The following HMCN1 variants were observed in gnomAD, a reference collection of about 807,000 sequenced individuals.
The protein encoded by HMCN1 is hemicentin 1.
A neutral mutation model predicts 625.9 loss-of-function variants in HMCN1; 321 were observed. The ratio of observed to expected loss-of-function variants is 0.51; its 90% CI spans 0.47 to 0.56. The LOEUF (loss-of-function observed/expected upper bound fraction) is 0.56, where lower values mean the gene tolerates loss of function less well. Ranked by LOEUF, HMCN1 falls within the 20% of genes least tolerant of loss-of-function variation. The probability of loss-of-function intolerance (pLI) is 0.00; values close to 1 mark genes in which losing one functional copy is unlikely to be tolerated. For synonymous variants in HMCN1, 2,425 were observed against 2,417.6 expected (o/e 1.00, Z -0.09); for missense variants, 6,588 against 6,887.3 (o/e 0.96, Z 1.54).
chr1:186,008,674 A>C (rs560224485), intron 30 of HMCN1, among the ~76,000 whole-genome samples: 2 of 152,128 alleles, frequency 1.3e-5, no homozygotes, highest in Admixed American at 1.3e-4. Context: ...CAGCCTTAAA[A>C]TGGGGATAAT....
At chr1:185,995,238 C>T in intron 24 of HMCN1, 151 bp downstream of exon 24, 1 of 726,652 alleles carries the variant, frequency 1.4e-6, no homozygotes, top group East Asian at 2.7e-5. Flanking sequence ...AGAACCATTC[C>T]CAAAAGAAAT....
Position 185,858,750 on chromosome 1 carries a change from C to T in HMCN1, c.340-5720C>T, listed in dbSNP as rs200059128. Among the ~76,000 whole-genome samples the T allele has an allele frequency of 3.0e-4, 45 of 150,480 alleles. No individual in the cohort carries two copies. In the East Asian group the frequency reaches 6.0e-3, roughly 20 times the overall value. ...ACAGATATGAGCCACCATGCCTGGC[C>T]AGCAGTAATTTTTTTTTCTTAAGTT... On this transcript the variant is annotated intron_variant, in intron 2 of 106. Coordinates refer to ENST00000271588, the MANE Select transcript of HMCN1 (RefSeq NM_031935.3).
Position 186,144,621 on chromosome 1 carries a change from C to T in HMCN1, c.14184C>T (p.Ser4728=), listed in dbSNP as rs373228905. 36 of 1,614,062 alleles carry T rather than the reference C, an allele frequency of 2.2e-5. No individual in the cohort carries two copies. In the Admixed American group the frequency reaches 3.0e-4, roughly 13 times the overall value. ...CCAGACAGAGAACAAGGGGCTGCTC[C>T]GACCCTGTGCCCCAGTATGGAGGAA... is the stretch of plus-strand genomic sequence containing the variant. ...GGARQRTRGC[S]DPVPQYGGRK... is the part of the protein sequence containing the mutation. Residue 4728 remains serine (S), a synonymous_variant, in exon 91 of 107, where the codon TCC becomes TCT. Coordinates refer to ENST00000271588, the MANE Select transcript of HMCN1 (RefSeq NM_031935.3).
At chr1:185,847,688 G>A (rs755686029) in intron 2 of HMCN1, among the ~76,000 whole-genome samples, 11 of 152,094 alleles carry the variant, frequency 7.2e-5, no homozygotes, top group East Asian at 1.9e-4. Flanking sequence ...AGTAGCTCAC[G>A]CCTGTAATCC....
intron 4 of HMCN1, among the ~76,000 whole-genome samples, chr1:185,879,460 C>G (rs1312298089): frequency 6.6e-6 from 1 of 152,134 alleles, no homozygotes. Flanking sequence ...GTGTGAATCA[C>G]CTTGCCTGAC....
chr1:186,047,424 G>A (rs1656650533), intron 41 of HMCN1, among the ~76,000 whole-genome samples: 1 of 152,126 alleles, frequency 6.6e-6, no homozygotes, highest in Non-Finnish European at 1.5e-5. Flanking sequence ...GTCACGTTGA[G>A]GGGTTTAGGG....
intron 81 of HMCN1, 74 bp downstream of exon 81, chr1:186,123,294 T>A (rs1455329427): frequency 6.5e-7 from 1 of 1,539,430 alleles, no homozygotes; most frequent in African/African-American, 1.4e-5. Flanking sequence ...CAAGAGCAAA[T>A]CTGATGGAAG....
chr1:185,785,618 G>A (rs2102186961), intron 1 of HMCN1, among the ~76,000 whole-genome samples: 1 of 152,238 alleles, frequency 6.6e-6, no homozygotes, highest in African/African-American at 2.4e-5. Flanking sequence ...ATTTCTCAAA[G>A]CAGACATATG....
At chr1:185,808,564 TG>T (rs1208600933) in intron 1 of HMCN1, among the ~76,000 whole-genome samples, 1 of 152,152 alleles carries the variant, frequency 6.6e-6, no homozygotes, top group Non-Finnish European at 1.5e-5. Flanking sequence ...ATTTGTTTTT[TG>T]TTATTGTTTT....
At chr1:185,824,672 T>C (rs1415949971) in intron 1 of HMCN1, among the ~76,000 whole-genome samples, 2 of 152,264 alleles carry the variant, frequency 1.3e-5, no homozygotes, top group East Asian at 3.9e-4. Flanking sequence ...CTATATGTAT[T>C]ACTTTACATA....
At chr1:186,077,172 G>T (rs1464274840) in intron 54 of HMCN1, among the ~76,000 whole-genome samples, 1 of 151,980 alleles carries the variant, frequency 6.6e-6, no homozygotes, top group Non-Finnish European at 1.5e-5. Context: ...TACACTTAAG[G>T]TCAGTGCAGT....
Position 185,734,737 on chromosome 1 carries a change from TGCTTAGGC to T in HMCN1, c.-39_-32del. The T allele has an allele frequency of 1.9e-6, 3 of 1,605,254 alleles. No homozygotes were observed. Among genetic ancestry groups the T allele is most frequent in the Non-Finnish European group, 2.6e-6 (3 of 1,173,190 alleles). The stretch of plus-strand genomic sequence containing the variant: ...TGTTGTTGAGGAGGACTGAGCACAG[TGCTTAGGC>T]GCTGAGGGGGAAAAAGAGGGGGAAA... On this transcript the variant is annotated 5_prime_UTR_variant, in exon 1 of 107. Coordinates refer to ENST00000271588, the MANE Select transcript of HMCN1 (RefSeq NM_031935.3).
intron 4 of HMCN1, among the ~76,000 whole-genome samples, chr1:185,902,413 A>ATCTATC (rs1665864971): frequency 1.6e-5 from 2 of 127,926 alleles, no homozygotes; most frequent in African/African-American, 8.6e-5. Context: ...ATCTCTATCT[A>ATCTATC]TCTATCTATC....
At position 186,112,907 on chromosome 1, in the gene HMCN1, C is replaced by T. The variant is rs1158669702; in HGVS notation, c.11085C>T (p.Ser3695=). The change falls in exon 72 of 107, where the codon AGC becomes AGT. Residue 3695 remains serine (S), a synonymous_variant. Coordinates refer to ENST00000271588, the MANE Select transcript of HMCN1 (RefSeq NM_031935.3). ...CAGCCAATTATACCTGTGTTGCCAGCAACATTGCAGGAAAGACTACAAGAG... is the reference window on the plus strand; with the variant it reads ...CAGCCAATTATACCTGTGTTGCCAGTAACATTGCAGGAAAGACTACAAGAG... ...GDTANYTCVA[S]NIAGKTTREF... is the part of the protein sequence containing the mutation. 7 of 1,613,924 alleles carry T rather than the reference C, an allele frequency of 4.3e-6. No individual in the cohort carries two copies. The highest frequency in any genetic ancestry group is 5.1e-6 in the Non-Finnish European group (6 of 1,179,976).
At chr1:185,950,014 T>C (rs546836927) in intron 11 of HMCN1, among the ~76,000 whole-genome samples, 65 of 151,898 alleles carry the variant, frequency 4.3e-4, no homozygotes, top group African/African-American at 1.3e-3. Context: ...TGCTGGTGTG[T>C]GGCGATTAGG....
chr1:186,174,335 TA>T lies in HMCN1; in HGVS notation c.15815-177del, dbSNP rs140303742. ...AGGAGGAGGAAAAGCAGCCATTTAA[TA>T]AGTGGCAGAGCTGGGACTTGAACCC... On this transcript the variant is annotated intron_variant, in intron 102 of 106. Coordinates refer to ENST00000271588, the MANE Select transcript of HMCN1 (RefSeq NM_031935.3). 5.5e-3 allele frequency among the ~76,000 whole-genome samples: 833 copies of T among 152,364 alleles called. 3 individuals carry two copies. The highest frequency in any genetic ancestry group is 0.024 in the Middle Eastern group (7 of 294).
At chr1:185,933,923 T>A in intron 11 of HMCN1, 99 bp downstream of exon 11, 1 of 835,852 alleles carries the variant, frequency 1.2e-6, no homozygotes, top group Non-Finnish European at 2.0e-6. Context: ...TGAGAGTATC[T>A]ACCCAAATAA....
chr1:185,929,947 G>A (rs1667461294), intron 10 of HMCN1, among the ~76,000 whole-genome samples: 1 of 152,132 alleles, frequency 6.6e-6, no homozygotes, highest in African/African-American at 2.4e-5. Flanking sequence ...GAACACTTGA[G>A]TATTTTTCCC....
intron 68 of HMCN1, among the ~76,000 whole-genome samples, chr1:186,099,441 TATTA>T (rs2102433621): frequency 6.6e-6 from 1 of 152,224 alleles, no homozygotes; most frequent in East Asian, 1.9e-4. Context: ...ACATATCAAG[TATTA>T]ATTATTGAAT....
Sources: gnomAD v4.1 joint callset for allele counts (sites outside exome capture counted in the v4.1 genomes callset) on GRCh38, gnomAD v4.1.1 for gene constraint, MANE v1.5 for transcripts, NCBI Gene and HGNC (gene_info 2026-07-23, HGNC 2026-07-21) for gene names.